Variants in PLCB1 observed in about 807,000 individuals in gnomAD.
The protein encoded by PLCB1 is phospholipase C beta 1.
In PLCB1, 46 loss-of-function variants were observed where a neutral mutation model predicts 161.8. The observed-to-expected ratio is 0.28, with a 90% CI of 0.22 to 0.36. PLCB1 has a LOEUF of 0.36. PLCB1 is among the 10% of genes least tolerant of loss of function. PLCB1 has a pLI of 1.00. For synonymous variants in PLCB1, 517 were observed against 503.7 expected (o/e 1.03, Z -0.35); for missense variants, 1,016 against 1,472.5 (o/e 0.69, Z 5.07).
At chr20:8,407,891 T>C (rs1978856233) in intron 3 of PLCB1, among the ~76,000 whole-genome samples, 1 of 152,040 alleles carries the variant, frequency 6.6e-6, no homozygotes, top group South Asian at 2.1e-4. Flanking sequence ...AGGGATATTT[T>C]GCAAAATACC....
chr20:8,631,339 A>G (rs1988583345), intron 4 of PLCB1, among the ~76,000 whole-genome samples: 1 of 152,230 alleles, frequency 6.6e-6, no homozygotes, highest in African/African-American at 2.4e-5. Context: ...AGGAGCTGCA[A>G]AATCCATGAA....
At chr20:8,172,520 T>G (rs1031131175) in intron 2 of PLCB1, among the ~76,000 whole-genome samples, 1 of 152,208 alleles carries the variant, frequency 6.6e-6, no homozygotes, top group African/African-American at 2.4e-5. Context: ...GAGAGATTGC[T>G]GAAGACAAGG....
At chr20:8,323,468 T>G (rs1365593257) in intron 2 of PLCB1, among the ~76,000 whole-genome samples, 1 of 152,162 alleles carries the variant, frequency 6.6e-6, no homozygotes, top group African/African-American at 2.4e-5. Flanking sequence ...CTCACATATC[T>G]GTTGTCTTGT....
At chr20:8,881,161 C>T (rs956649763) in intron 31 of PLCB1, among the ~76,000 whole-genome samples, 1 of 151,976 alleles carries the variant, frequency 6.6e-6, no homozygotes, top group Non-Finnish European at 1.5e-5. Flanking sequence ...CCACTATACC[C>T]AGCTCATTTT....
chr20:8,501,864 C>CATATATATAT (rs36226867), intron 3 of PLCB1, among the ~76,000 whole-genome samples: 1 of 104,704 alleles, frequency 9.6e-6, no homozygotes, highest in Non-Finnish European at 1.9e-5. Context: ...AGATATATCG[C>CATATATATAT]ATATATATAT....
chr20:8,672,447 A>G (rs913329292), intron 9 of PLCB1, among the ~76,000 whole-genome samples: 1 of 140,026 alleles, frequency 7.1e-6, no homozygotes, highest in African/African-American at 2.7e-5. Flanking sequence ...GGCCTGCCAC[A>G]TGTTCTTTCC....
At chr20:8,319,833 A>C (rs1984827410) in intron 2 of PLCB1, among the ~76,000 whole-genome samples, 1 of 140,820 alleles carries the variant, frequency 7.1e-6, no homozygotes, top group Non-Finnish European at 1.5e-5. Flanking sequence ...CTGGGAGGAA[A>C]GGAGAAGCCT....
In PLCB1 at chr20:8,764,620, C is replaced by A. The variant is rs146996435; in HGVS notation, c.2711-519C>A. ...AAAATTGCCCTCAACCAAAAGGAAG[C>A]CCCCTCTCCAGATGGTTATGCCTCC... is the stretch of plus-strand genomic sequence containing the variant. On this transcript the variant is annotated intron_variant, in intron 25 of 31. Transcript: ENST00000338037. Among the ~76,000 whole-genome samples the A allele has an allele frequency of 5.4e-3, 829 of 152,200 alleles. 6 individuals are homozygous for A. Among genetic ancestry groups the A allele is most frequent in the African/African-American group, 0.019 (797 of 41,510 alleles).
At chr20:8,649,910 T>G (rs1463116980) in intron 7 of PLCB1, 1 of 155,166 alleles carries the variant, frequency 6.4e-6, no homozygotes, top group Non-Finnish European at 1.4e-5. Flanking sequence ...TATCTGAAAA[T>G]GTAGAAGCAG....
chr20:8,385,799 AC>A (rs1206982281), intron 3 of PLCB1, among the ~76,000 whole-genome samples: 1 of 152,168 alleles, frequency 6.6e-6, no homozygotes, highest in African/African-American at 2.4e-5. Context: ...GGACCACCAC[AC>A]CACACTGCTC....
At position 8,820,096 on chromosome 20, in the gene PLCB1, T is replaced by A. The variant is rs371250060; in HGVS notation, c.3423+29835T>A. On this transcript the variant is annotated intron_variant, in intron 31 of 31. Transcript: ENST00000338037. ...TGTATTGGTTATAATTTGTATTATG[T>A]TTTATTTATGTTTTTTTTTTTCAAA... is the stretch of plus-strand genomic sequence containing the variant. 2.0e-3 allele frequency among the ~76,000 whole-genome samples: 293 copies of A among 148,164 alleles called. 2 individuals are homozygous for A. In the Middle Eastern group the frequency reaches 0.05, roughly 25 times the overall value.
chr20:8,581,957 T>C (rs1986846798), intron 3 of PLCB1, among the ~76,000 whole-genome samples: 1 of 152,180 alleles, frequency 6.6e-6, no homozygotes, highest in South Asian at 2.1e-4. Context: ...ATTTTACTCA[T>C]TTCTTCACAA....
At chr20:8,523,496 C>CTCTCTATATATATA in intron 3 of PLCB1, among the ~76,000 whole-genome samples, 6 of 51,652 alleles carry the variant, frequency 1.2e-4, no homozygotes, top group Admixed American at 2.4e-4. Context: ...CTCTCTCTCT[C>CTCTCTATATATATA]TATATATATA....
Position 8,729,137 on chromosome 20 carries a change from A to T in PLCB1, c.1851A>T (p.Ala617=), listed in dbSNP as rs1248945951. 1.9e-6 allele frequency: 3 copies of T among 1,612,108 alleles called. No homozygotes were observed. In the Admixed American group the frequency reaches 5.0e-5, roughly 27 times the overall value. ...SNYMPQLFWN[A]GCQMVALNFQ... ...ATATGCCTCAGCTCTTCTGGAATGCAGGTTGTCAGATGGTGGCACTTAATT... is the reference window on the plus strand; with the variant it reads ...ATATGCCTCAGCTCTTCTGGAATGCTGGTTGTCAGATGGTGGCACTTAATT... Residue 617 remains alanine, a synonymous_variant, in exon 18 of 32, where the codon GCA becomes GCT. Transcript: ENST00000338037.
At position 8,725,079 on chromosome 20, in the gene PLCB1, A is replaced by T. The variant is rs147013300; in HGVS notation, c.1678+327A>T. 5.8e-3 allele frequency among the ~76,000 whole-genome samples: 889 copies of T among 152,280 alleles called. 7 individuals are homozygous for T. The highest frequency in any genetic ancestry group is 0.02 in the African/African-American group (846 of 41,560). Reference sequence around the variant, plus strand: ...TTGTACTTTGCTTTTTGTTCGCAACACACAGTGAGATCCATCTGTTACATA... The same window carrying T: ...TTGTACTTTGCTTTTTGTTCGCAACTCACAGTGAGATCCATCTGTTACATA... On this transcript the variant is annotated intron_variant, in intron 16 of 31. Transcript: ENST00000338037.
chr20:8,221,728 T>C (rs954062175), intron 2 of PLCB1, among the ~76,000 whole-genome samples: 4 of 152,134 alleles, frequency 2.6e-5, no homozygotes, highest in Non-Finnish European at 5.9e-5. Flanking sequence ...TAACAAAATA[T>C]GTATTATATA....
intron 2 of PLCB1, among the ~76,000 whole-genome samples, chr20:8,340,699 C>T (rs1401597264): frequency 1.3e-5 from 2 of 152,184 alleles, no homozygotes; most frequent in Non-Finnish European, 2.9e-5. Context: ...GCTGGGATTA[C>T]AGGCGTGAGC....
intron 3 of PLCB1, among the ~76,000 whole-genome samples, chr20:8,410,269 G>A (rs981088905): frequency 6.6e-6 from 1 of 152,136 alleles, no homozygotes; most frequent in African/African-American, 2.4e-5. Flanking sequence ...CCTAACACAT[G>A]AGTCTGACAC....
At chr20:8,403,129 G>A (rs902951129) in intron 3 of PLCB1, among the ~76,000 whole-genome samples, 1 of 152,038 alleles carries the variant, frequency 6.6e-6, no homozygotes, top group African/African-American at 2.4e-5. Flanking sequence ...TCTCTTATAG[G>A]AAAATCACTG....
Sources: gnomAD v4.1 joint callset for allele counts (sites outside exome capture counted in the v4.1 genomes callset) on GRCh38, gnomAD v4.1.1 for gene constraint, MANE v1.5 for transcripts, NCBI Gene and HGNC (gene_info 2026-07-23, HGNC 2026-07-21) for gene names.